WDFY4: variants seen among roughly 807,000 people sequenced by gnomAD.
WDFY4 encodes WD repeat- and FYVE domain-containing protein 4.
A neutral mutation model predicts 351.9 loss-of-function variants in WDFY4; 169 were observed. The observed-to-expected ratio is 0.48, with a 90% CI of 0.42 to 0.55. The LOEUF is 0.55. Among genes scored for constraint, WDFY4 ranks in the 20% least tolerant of loss-of-function variants. The pLI is 0.00. For missense variants in WDFY4, 3,803 were observed against 3,935.6 expected, an observed-to-expected ratio of 0.97 and a Z score of 0.90; for synonymous variants, 1,622 against 1,574.6, an observed-to-expected ratio of 1.03 and a Z score of -0.71.
At chr10:48,919,948 A>G (rs1176629592) in intron 47 of WDFY4, among the ~76,000 whole-genome samples, 1 of 152,232 alleles carries the variant, frequency 6.6e-6, no homozygotes, top group African/African-American at 2.4e-5. Context: ...ACACAAAGAC[A>G]TATAAGAAAG....
chr10:48,916,244 CTT>C (rs1233028064), intron 47 of WDFY4, among the ~76,000 whole-genome samples: 37 of 152,332 alleles, frequency 2.4e-4, no homozygotes, highest in Non-Finnish European at 2.9e-5. Flanking sequence ...GAACACAAAA[CTT>C]TGCACCAGAT....
chr10:48,794,272 C>A (rs1439162459), intron 23 of WDFY4, among the ~76,000 whole-genome samples: 1 of 152,068 alleles, frequency 6.6e-6, no homozygotes, highest in African/African-American at 2.4e-5. Context: ...AGAATCTGAC[C>A]TAATAGGAGC....
At chr10:48,754,230 G>GTTTTTTTT (rs151074838) in intron 12 of WDFY4, among the ~76,000 whole-genome samples, 2 of 140,986 alleles carry the variant, frequency 1.4e-5, no homozygotes. Context: ...ATATTGGTAG[G>GTTTTTTTT]TTTTTTTTTT....
intron 47 of WDFY4, among the ~76,000 whole-genome samples, chr10:48,907,924 C>A (rs1395455876): frequency 6.6e-6 from 1 of 152,232 alleles, no homozygotes; most frequent in African/African-American, 2.4e-5. Flanking sequence ...CGAACGGCAC[C>A]TGGCTGCAGA....
At chr10:48,913,272 G>T in intron 47 of WDFY4, 1 of 924,290 alleles carries the variant, frequency 1.1e-6, no homozygotes, top group South Asian at 1.6e-5. Context: ...AGTTTTATGG[G>T]CTTGGCTGAA....
rs1377140159 is a variant in WDFY4, at chr10:48,867,251, T to C, written c.6664-14T>C. On this transcript the variant is annotated splice_polypyrimidine_tract_variant and intron_variant, in intron 39 of 61. Coordinates refer to ENST00000325239, the MANE Select transcript of WDFY4 (RefSeq NM_001394531.1). ...ACTATCATTAAGCTGTGACTTGTTT[T>C]CTCCTTTCTCCAGGATTTTGTGTCA... is the stretch of plus-strand genomic sequence containing the variant. 5.2e-6 allele frequency: 7 copies of C among 1,342,918 alleles called. No homozygotes were observed. Among genetic ancestry groups the C allele is most frequent in the Non-Finnish European group, 6.8e-6 (7 of 1,035,858 alleles). The allele number at this position is 1,342,918 out of a possible 1,614,324, so 83.2% of individuals were successfully genotyped here.
intron 1 of WDFY4, among the ~76,000 whole-genome samples, chr10:48,698,125 C>G (rs2063380838): frequency 6.6e-6 from 1 of 152,182 alleles, no homozygotes; most frequent in Non-Finnish European, 1.5e-5. Context: ...TGTCTCCCAG[C>G]AGCACATTTT....
intron 40 of WDFY4, among the ~76,000 whole-genome samples, chr10:48,867,818 T>C (rs2069606249): frequency 6.6e-6 from 1 of 152,240 alleles, no homozygotes; most frequent in Non-Finnish European, 1.5e-5. Flanking sequence ...ATTTAACATA[T>C]TGCTAAAAAT....
chr10:48,891,908 GC>G (rs1460237926), intron 44 of WDFY4, among the ~76,000 whole-genome samples: 1 of 152,234 alleles, frequency 6.6e-6, no homozygotes, highest in Non-Finnish European at 1.5e-5. Context: ...GTAGATGTCA[GC>G]CCACCTTGGT....
Position 48,903,865 on chromosome 10 carries a change from G to A in WDFY4, c.7586+2002G>A, listed in dbSNP as rs1239247339. On this transcript the variant is annotated intron_variant, in intron 47 of 61. Transcript: ENST00000325239. ...AAGATTATCAAGAATGGATGCACAT[G>A]GAAAAGAGATCAGAGGACTGTGCCC... Among the ~76,000 whole-genome samples the A allele has an allele frequency of 2.0e-5, 3 of 152,220 alleles. No individual in the cohort carries two copies. The East Asian group carries it at 5.8e-4, about 29-fold the overall frequency.
At chr10:48,803,439 G>A (rs1253847775) in intron 25 of WDFY4, 80 bp downstream of exon 25, 62 of 1,341,694 alleles carry the variant, frequency 4.6e-5, no homozygotes, top group Non-Finnish European at 6.2e-5. Context: ...GTGGCCAGTG[G>A]CTCTTCCCTG....
rs71465480 is a variant in WDFY4 at position 48,827,713 on chromosome 10, GA to G, written c.6221+813del. Among the ~76,000 whole-genome samples the G allele has an allele frequency of 5.5e-4, 81 of 147,044 alleles. 1 individual carries two copies. The highest frequency in any genetic ancestry group is 4.0e-3 in the Admixed American group (59 of 14,760). On this transcript the variant is annotated intron_variant, in intron 36 of 61. Coordinates refer to ENST00000325239, the MANE Select transcript of WDFY4 (RefSeq NM_001394531.1). The stretch of plus-strand genomic sequence containing the variant: ...TAACAAAAATTATGTTTGATCACTT[GA>G]AAAAAAAACAATCCCCCACATCCTG...
intron 2 of WDFY4, among the ~76,000 whole-genome samples, chr10:48,711,897 G>A (rs2063776792): frequency 6.6e-6 from 1 of 152,172 alleles, no homozygotes; most frequent in Non-Finnish European, 1.5e-5. Context: ...AATACTGACG[G>A]TTGTATGGGA....
chr10:48,970,652 GA>G (rs1407355681), intron 57 of WDFY4, among the ~76,000 whole-genome samples: 4 of 152,158 alleles, frequency 2.6e-5, no homozygotes, highest in African/African-American at 9.7e-5. Context: ...AATATTTTTT[GA>G]GCATTTTGCC....
intron 56 of WDFY4, 79 bp from the exon 57 acceptor site, chr10:48,970,052 C>G: frequency 6.7e-7 from 1 of 1,483,158 alleles, no homozygotes; most frequent in South Asian, 1.3e-5. Flanking sequence ...CAGACTGGCC[C>G]ACATACCCCC....
At chr10:48,812,955 T>C (rs954474488) in intron 30 of WDFY4, among the ~76,000 whole-genome samples, 2 of 152,184 alleles carry the variant, frequency 1.3e-5, no homozygotes, top group Non-Finnish European at 2.9e-5. Context: ...GCACTCAGCT[T>C]AGATGCTACT....
At chr10:48,933,903 A>T (rs1388010473) in intron 47 of WDFY4, among the ~76,000 whole-genome samples, 2 of 152,124 alleles carry the variant, frequency 1.3e-5, no homozygotes, top group Non-Finnish European at 2.9e-5. Flanking sequence ...ACTGGGTAAC[A>T]GTGAGAGACC....
chr10:48,897,991 T>A (rs1283747112), intron 45 of WDFY4, among the ~76,000 whole-genome samples: 1 of 152,090 alleles, frequency 6.6e-6, no homozygotes, highest in Non-Finnish European at 1.5e-5. Flanking sequence ...CTTGCTGACA[T>A]ACTCTCCCCC....
At chr10:48,918,409 A>G (rs1838745522) in intron 47 of WDFY4, among the ~76,000 whole-genome samples, 1 of 152,238 alleles carries the variant, frequency 6.6e-6, no homozygotes, top group African/African-American at 2.4e-5. Flanking sequence ...CAAACACTAA[A>G]GGAAGGATGT....
Sources: allele counts gnomAD v4.1 joint callset (sites outside exome capture counted in the v4.1 genomes callset), GRCh38; gene constraint gnomAD v4.1.1; transcripts MANE v1.5; gene names NCBI Gene and HGNC (gene_info 2026-07-23, HGNC 2026-07-21).